DNAH5: variants seen among roughly 807,000 people sequenced by gnomAD.
DNAH5 encodes the protein axonemal beta dynein heavy chain 5.
A neutral mutation model predicts 518.2 loss-of-function variants in DNAH5; 372 were observed. The observed-to-expected ratio is 0.72, with a 90% CI of 0.66 to 0.78. The LOEUF (loss-of-function observed/expected upper bound fraction) is 0.78. Among genes scored for constraint, DNAH5 ranks in the 30% least tolerant of loss-of-function variants. The pLI is 0.00. For missense variants in DNAH5, 5,523 were observed against 5,687.0 expected (o/e 0.97, Z 0.93); for synonymous variants, 2,039 against 2,025.9 (o/e 1.01, Z -0.17).
rs184406686 is a variant in DNAH5 at position 13,750,864 on chromosome 5, C to T, written c.11211+214G>A. ...CTGTATAAAGGCAATCGATGACATACGTAATTTATGAGACATTTGTGAAAC... is the reference window on the plus strand; with the variant it reads ...CTGTATAAAGGCAATCGATGACATATGTAATTTATGAGACATTTGTGAAAC... On this transcript the variant is annotated intron_variant, in intron 65 of 78. Coordinates refer to ENST00000265104, the MANE Select transcript of DNAH5 (RefSeq NM_001369.3). Among the ~76,000 whole-genome samples, 281 of 152,062 alleles carry T rather than the reference C, an allele frequency of 1.8e-3. 2 individuals are homozygous for T. The highest frequency in any genetic ancestry group is 9.6e-3 in the Admixed American group (146 of 15,276).
intron 41 of DNAH5, among the ~76,000 whole-genome samples, chr5:13,820,064 G>A (rs895339132): frequency 6.6e-6 from 1 of 151,776 alleles, no homozygotes; most frequent in African/African-American, 2.4e-5. Flanking sequence ...TACAAAATGG[G>A]GATAATAATA....
rs1342507969 is a variant in DNAH5, at chr5:13,901,455, C to T, written c.1849G>A (p.Ala617Thr). 1 of 1,613,868 alleles carries T rather than the reference C, an allele frequency of 6.2e-7. No individual in the cohort carries two copies. The highest frequency in any genetic ancestry group is 1.7e-5 in the Admixed American group (1 of 60,002). Residue 617 changes from alanine (A) to threonine (T), a missense_variant, in exon 14 of 79, where the codon GCT (alanine) becomes ACT (threonine). By Grantham distance (58) the Ala-to-Thr change is moderately conservative. Coordinates refer to ENST00000265104, the MANE Select transcript of DNAH5 (RefSeq NM_001369.3). The stretch of plus-strand genomic sequence containing the variant: ...CCAGCGATGGGAGGCTGGTTTCGAG[C>T]CAGAGGAGGATCGTATTTCTGCTTT... ...YTKQKYDPPL[A>T]RNQPPIAGKI... is the part of the protein sequence containing the mutation.
intron 52 of DNAH5, among the ~76,000 whole-genome samples, chr5:13,781,386 C>T (rs1430370616): frequency 6.6e-6 from 1 of 152,096 alleles, no homozygotes; most frequent in Non-Finnish European, 1.5e-5. Context: ...TGAGAATATC[C>T]TCCACATTTG....
At chr5:13,802,234 C>T (rs1407443623) in intron 47 of DNAH5, among the ~76,000 whole-genome samples, 1 of 152,112 alleles carries the variant, frequency 6.6e-6, no homozygotes, top group Non-Finnish European at 1.5e-5. Flanking sequence ...TGTCTGTCTA[C>T]ACACATAGGA....
chr5:13,918,010 C>G (rs1340609278), intron 7 of DNAH5, among the ~76,000 whole-genome samples: 3 of 152,214 alleles, frequency 2.0e-5, no homozygotes, highest in Non-Finnish European at 4.4e-5. Flanking sequence ...TCCCCAGTGA[C>G]CACAGACTCC....
intron 1 of DNAH5, among the ~76,000 whole-genome samples, chr5:13,976,839 C>T (rs1037487893): frequency 6.6e-6 from 1 of 151,992 alleles, no homozygotes; most frequent in Admixed American, 6.6e-5. Flanking sequence ...CATGCAATTA[C>T]AAAGACTTCA....
intron 23 of DNAH5, 58 bp from the exon 24 acceptor site, chr5:13,871,060 T>C: frequency 7.5e-7 from 1 of 1,330,598 alleles, no homozygotes; most frequent in Non-Finnish European, 1.1e-6. Context: ...GTACGAAAAG[T>C]CAAACTGTCG....
At chr5:13,738,391 A>G (rs192162215) in intron 65 of DNAH5, among the ~76,000 whole-genome samples, 119 of 152,330 alleles carry the variant, frequency 7.8e-4, no homozygotes, top group African/African-American at 2.8e-3. Flanking sequence ...TGCTAATTGA[A>G]AAAGTATCCA....
intron 16 of DNAH5, among the ~76,000 whole-genome samples, chr5:13,894,357 T>C (rs180890578): frequency 6.6e-6 from 1 of 152,182 alleles, no homozygotes; most frequent in Non-Finnish European, 1.5e-5. Context: ...TACACTAACC[T>C]ATTTATATAA....
At chr5:13,858,950 T>C (rs745492306) in intron 30 of DNAH5, among the ~76,000 whole-genome samples, 1 of 152,346 alleles carries the variant, frequency 6.6e-6, no homozygotes, top group Non-Finnish European at 1.5e-5. Flanking sequence ...TACGATTTGA[T>C]GATAAATATA....
At chr5:13,836,760 T>G (rs534925333) in intron 35 of DNAH5, among the ~76,000 whole-genome samples, 1 of 152,350 alleles carries the variant, frequency 6.6e-6, no homozygotes, top group South Asian at 2.1e-4. Context: ...TCATTAATGT[T>G]AAGGACCTTG....
At position 13,786,196 on chromosome 5, in the gene DNAH5, T is replaced by C. The variant is rs929329118; in HGVS notation, c.8803A>G (p.Met2935Val). The C allele has an allele frequency of 8.7e-6, 14 of 1,613,894 alleles. No homozygotes were observed. Among genetic ancestry groups the C allele is most frequent in the East Asian group, 2.2e-5 (1 of 44,886 alleles). The change falls in exon 52 of 79, where the codon ATG (methionine) becomes GTG (valine). Residue 2935 changes from methionine to valine, a missense_variant. By Grantham distance (21) the Met-to-Val change is conservative. This residue lies in a region of DNAH5 where 5,121 missense variants were observed against 5,223.3 expected (regional missense o/e 0.98). Coordinates refer to ENST00000265104, the MANE Select transcript of DNAH5 (RefSeq NM_001369.3). ...GMDMVFFADA[M>V]VHLVKISRVI... ...TACTGTACCTTGACTAAGTGAACCA[T>C]GGCATCTGCAAAGAACACCATGTCC...
Position 13,913,931 on chromosome 5 carries a change from T to C in DNAH5, c.1348A>G (p.Lys450Glu), listed in dbSNP as rs755225896. 1.2e-6 allele frequency: 2 copies of C among 1,613,358 alleles called. No individual in the cohort carries two copies. The highest frequency in any genetic ancestry group is 1.1e-5 in the South Asian group (1 of 91,054). The change falls in exon 11 of 79, where the codon AAA (lysine) becomes GAA (glutamate). Residue 450 changes from lysine to glutamate, a missense_variant. By Grantham distance (56) the Lys-to-Glu change is moderately conservative. Around this residue, in one of 3 missense-constraint regions of DNAH5, gnomAD observed 5,121 missense variants for 5,223.3 expected, o/e 0.98. Transcript: ENST00000265104. ...QEYQLCFHKT[K>E]QKLKQNPNAK... The stretch of plus-strand genomic sequence containing the variant: ...TTTGGATTTTGTTTAAGCTTTTGTT[T>C]TGTCTTGTGAAAGCAGAGCTGGTAT...
At chr5:13,868,075 G>A in intron 24 of DNAH5, 83 bp from the exon 25 acceptor site, 1 of 1,040,198 alleles carries the variant, frequency 9.6e-7, no homozygotes, top group East Asian at 2.6e-5. Context: ...GATAAGAATG[G>A]AAAATACCAG....
intron 70 of DNAH5, among the ~76,000 whole-genome samples, chr5:13,725,578 T>A (rs1745608268): frequency 6.6e-6 from 1 of 152,188 alleles, no homozygotes; most frequent in Non-Finnish European, 1.5e-5. Flanking sequence ...CAATATGTGG[T>A]CCCAATGCAA....
chr5:13,793,698 C>T lies in DNAH5; in HGVS notation c.8041G>A (p.Glu2681Lys). ...VTNEIVRQLM[E>K]QNGFYNLEKP... ...TCTAGATTATAGAATCCATTTTGTTCCATCAGCTGTCGCACTATCTCATTC... is the reference window on the plus strand; with the variant it reads ...TCTAGATTATAGAATCCATTTTGTTTCATCAGCTGTCGCACTATCTCATTC... Residue 2681 changes from glutamate to lysine, a missense_variant, in exon 49 of 79, where the codon GAA (glutamate) becomes AAA (lysine). By Grantham distance (56) the Glu-to-Lys change is moderately conservative. This residue lies in a region of DNAH5 where 5,121 missense variants were observed against 5,223.3 expected (regional missense o/e 0.98). Transcript: ENST00000265104. The T allele has an allele frequency of 6.2e-7, 1 of 1,614,108 alleles. No homozygotes were observed. The highest frequency in any genetic ancestry group is 8.5e-7 in the Non-Finnish European group (1 of 1,180,032).
At chr5:13,758,076 TA>T (rs960777975) in intron 61 of DNAH5, among the ~76,000 whole-genome samples, 87 of 136,990 alleles carry the variant, frequency 6.4e-4, no homozygotes, top group Non-Finnish European at 6.7e-4. Flanking sequence ...GACCACTTTG[TA>T]AAAAAAAAAA....
intron 1 of DNAH5, among the ~76,000 whole-genome samples, chr5:13,951,502 G>A (rs1049031555): frequency 2.0e-4 from 30 of 152,204 alleles, no homozygotes; most frequent in African/African-American, 7.2e-4. Context: ...TTACAGGCGT[G>A]AGCCACCATG....
At chr5:13,830,875 A>T in intron 35 of DNAH5, 100 bp from the exon 36 acceptor site, 1 of 1,150,802 alleles carries the variant, frequency 8.7e-7, no homozygotes, top group South Asian at 1.3e-5. Context: ...TAAAAAACAA[A>T]AGGCCATTGT....
Sources: gnomAD v4.1 joint callset for allele counts (sites outside exome capture counted in the v4.1 genomes callset) on GRCh38, gnomAD v4.1.1 for gene constraint, gnomAD v4.1.1 regional missense constraint, MANE v1.5 for transcripts, NCBI Gene and HGNC (gene_info 2026-07-23, HGNC 2026-07-21) for gene names.